NRXN3: variants seen among roughly 807,000 people sequenced by gnomAD.
NRXN3 encodes the protein neurexin 3, also known as neurexin III.
A neutral mutation model predicts 137.6 loss-of-function variants in NRXN3; 32 were observed. The ratio of observed to expected loss-of-function variants is 0.23; its 90% CI spans 0.18 to 0.31. The LOEUF (loss-of-function observed/expected upper bound fraction) is 0.31. Ranked by LOEUF, NRXN3 falls within the 10% of genes least tolerant of loss-of-function variation. The probability of loss-of-function intolerance (pLI) is 1.00; values close to 1 mark genes in which losing one functional copy is unlikely to be tolerated. For synonymous variants in NRXN3, 798 were observed against 784.5 expected (o/e 1.02, Z -0.29); for missense variants, 1,574 against 2,062.5 (o/e 0.76, Z 4.59).
At chr14:78,748,520 TATA>T (rs2098624540) in intron 8 of NRXN3, among the ~76,000 whole-genome samples, 1 of 152,074 alleles carries the variant, frequency 6.6e-6, no homozygotes, top group South Asian at 2.1e-4. Flanking sequence ...GAGGAATTGG[TATA>T]ATATGAAATT....
chr14:78,538,732 A>G (rs1030576787), intron 4 of NRXN3, among the ~76,000 whole-genome samples: 1 of 152,128 alleles, frequency 6.6e-6, no homozygotes, highest in Non-Finnish European at 1.5e-5. Flanking sequence ...CCCATTCAGT[A>G]TGATATTGGC....
At chr14:78,923,619 G>A (rs2099277118) in intron 10 of NRXN3, among the ~76,000 whole-genome samples, 2 of 152,184 alleles carry the variant, frequency 1.3e-5, no homozygotes, top group African/African-American at 4.8e-5. Flanking sequence ...AGGAATTAAG[G>A]AAATGCCAAG....
chr14:79,647,291 G>C lies in NRXN3; in HGVS notation c.3445-16487G>C, dbSNP rs2098456965. ...ATTAAATGGTAGCTCTAGAATAGTG[G>C]CCTGCATTAAATTTTTCTTTATGGT... On this transcript the variant is annotated intron_variant, in intron 16 of 20. Transcript: ENST00000335750. Among the ~76,000 whole-genome samples the C allele has an allele frequency of 1.5e-5, 2 of 135,650 alleles. 1 individual carries two copies. The highest frequency in any genetic ancestry group is 3.4e-5 in the Non-Finnish European group (2 of 58,376). 89.0% of individuals were successfully genotyped at this position (135,650 alleles called of 152,430 possible). A position where few individuals can be genotyped will look rare whatever the true frequency, so the allele number is the denominator to read the frequency against.
intron 15 of NRXN3, among the ~76,000 whole-genome samples, chr14:79,037,178 G>A (rs1327897776): frequency 3.3e-4 from 50 of 152,058 alleles, no homozygotes; most frequent in Non-Finnish European, 4.4e-5. Flanking sequence ...TAAGATATCA[G>A]GGAAGATTCA....
intron 20 of NRXN3, chr14:79,853,876 T>C: frequency 1.0e-6 from 1 of 988,470 alleles, no homozygotes; most frequent in African/African-American, 1.7e-5. Flanking sequence ...AAACAGGTTT[T>C]TTTGTTTGGT....
At chr14:78,947,437 A>C (rs979834057) in intron 10 of NRXN3, among the ~76,000 whole-genome samples, 15 of 152,300 alleles carry the variant, frequency 9.8e-5, no homozygotes, top group African/African-American at 3.6e-4. Flanking sequence ...ATCTATACAT[A>C]AAGTCCCCCA....
At position 79,866,041 on chromosome 14, in the gene NRXN3, A is replaced by G. The variant is rs1340024884; in HGVS notation, c.*4077A>G. 2 of 152,202 alleles carry G rather than the reference A, an allele frequency of 1.3e-5. No individual in the cohort carries two copies. Among genetic ancestry groups the G allele is most frequent in the African/African-American group, 4.8e-5 (2 of 41,462 alleles). 9.4% of individuals were successfully genotyped at this position (152,202 alleles called of 1,614,324 possible). On this transcript the variant is annotated 3_prime_UTR_variant, in exon 21 of 21. Transcript: ENST00000335750. ...TGAACACTTATGTACAAGCTAGTCT[A>G]CTATTGGCTATTGTTACTTTGTTTC...
At chr14:79,138,863 C>G (rs1287430506) in intron 15 of NRXN3, among the ~76,000 whole-genome samples, 1 of 152,060 alleles carries the variant, frequency 6.6e-6, no homozygotes, top group Non-Finnish European at 1.5e-5. Context: ...AAACAGGATA[C>G]AAAAGTCAGT....
chr14:79,477,265 G>T (rs8003893), intron 16 of NRXN3, among the ~76,000 whole-genome samples: 1 of 151,702 alleles, frequency 6.6e-6, no homozygotes, highest in Non-Finnish European at 1.5e-5. Flanking sequence ...CAATTGGACC[G>T]TAATGAATGG....
intron 15 of NRXN3, among the ~76,000 whole-genome samples, chr14:79,044,209 T>C (rs2099629431): frequency 6.6e-6 from 1 of 152,216 alleles, no homozygotes; most frequent in Non-Finnish European, 1.5e-5. Context: ...TGATTCTTTT[T>C]GAGAAAACAC....
chr14:78,535,887 T>C (rs1299528332), intron 4 of NRXN3, among the ~76,000 whole-genome samples: 1 of 152,156 alleles, frequency 6.6e-6, no homozygotes, highest in Non-Finnish European at 1.5e-5. Flanking sequence ...AAATGCTATT[T>C]GTGGTGGGAT....
chr14:78,782,695 A>C (rs1049289673), intron 8 of NRXN3, among the ~76,000 whole-genome samples: 4 of 152,226 alleles, frequency 2.6e-5, no homozygotes, highest in Non-Finnish European at 5.9e-5. Context: ...TAGTCTCCCA[A>C]AAGCTAATGA....
At chr14:78,519,121 T>C (rs2193666) in intron 4 of NRXN3, among the ~76,000 whole-genome samples, 36,092 of 152,054 alleles carry the variant, frequency 0.24, 4,422 homozygotes, top group Middle Eastern at 0.31. Flanking sequence ...TCAGAGTAGA[T>C]GAATAATAAA....
At chr14:79,860,646 G>A (rs1320123688) in intron 20 of NRXN3, among the ~76,000 whole-genome samples, 1 of 152,148 alleles carries the variant, frequency 6.6e-6, no homozygotes, top group Non-Finnish European at 1.5e-5. Context: ...AATCTTAAAC[G>A]CATGTTAATA....
intron 4 of NRXN3, among the ~76,000 whole-genome samples, chr14:78,375,095 T>G (rs112320875): frequency 5.1e-4 from 78 of 152,366 alleles, no homozygotes; most frequent in African/African-American, 1.8e-3. Context: ...AGTTCATACT[T>G]CATGGTAGCA....
chr14:79,352,597 T>C (rs1392084410), intron 15 of NRXN3, among the ~76,000 whole-genome samples: 1 of 152,144 alleles, frequency 6.6e-6, no homozygotes, highest in African/African-American at 2.4e-5. Flanking sequence ...GGCCAAAGAA[T>C]GTTTGTCTTC....
rs181893397 is a variant in NRXN3, at chr14:78,766,163, T to C, written c.2045-37457T>C. On this transcript the variant is annotated intron_variant, in intron 8 of 20. Transcript: ENST00000335750. ...TATATAAAGGTTTAATAATCATGGA[T>C]GGTCCTTTGTAGACATCTATTGCTG... Among the ~76,000 whole-genome samples the C allele has an allele frequency of 2.0e-4, 31 of 152,340 alleles. No homozygotes were observed. In the East Asian group the frequency reaches 5.6e-3, roughly 28 times the overall value.
intron 15 of NRXN3, among the ~76,000 whole-genome samples, chr14:79,180,264 T>C (rs1261713977): frequency 6.6e-6 from 1 of 152,194 alleles, no homozygotes; most frequent in Non-Finnish European, 1.5e-5. Flanking sequence ...AAAGAAGGCC[T>C]ATTGCTGCTA....
intron 16 of NRXN3, among the ~76,000 whole-genome samples, chr14:79,497,829 G>T (rs1454298797): frequency 6.6e-6 from 1 of 152,132 alleles, no homozygotes; most frequent in Non-Finnish European, 1.5e-5. Context: ...GAGGTCAGGA[G>T]CTCGAGACCA....
Sources: allele counts gnomAD v4.1 joint callset (sites outside exome capture counted in the v4.1 genomes callset), GRCh38; gene constraint gnomAD v4.1.1; transcripts MANE v1.5; gene names NCBI Gene and HGNC (gene_info 2026-07-23, HGNC 2026-07-21).